Variants in SYF2 observed in about 807,000 individuals in gnomAD.
The protein encoded by SYF2 is SYF2 pre-mRNA splicing factor.
In SYF2, 21 loss-of-function variants were observed where a neutral mutation model predicts 32.7. The observed-to-expected ratio is 0.64, with a 90% CI of 0.45 to 0.92. SYF2 has a LOEUF of 0.92. Among genes scored for constraint, SYF2 ranks in the 40% least tolerant of loss-of-function variants. The pLI, the probability that SYF2 is intolerant of heterozygous loss-of-function variation, is 0.00. For missense variants in SYF2, 278 were observed against 296.5 expected (o/e 0.94, Z 0.46); for synonymous variants, 114 against 103.9 (o/e 1.10, Z -0.59).
rs1638437718 is a variant in SYF2, at chr1:25,222,979, C to T, written c.*287G>A. ...CAAAATGCTTCAAAGATTAAACAGCCATATACATTTAAAATACATAGAAAA... is the reference window on the plus strand; with the variant it reads ...CAAAATGCTTCAAAGATTAAACAGCTATATACATTTAAAATACATAGAAAA... On this transcript the variant is annotated 3_prime_UTR_variant, in exon 7 of 7. Coordinates refer to ENST00000236273, the MANE Select transcript of SYF2 (RefSeq NM_015484.5). 4.7e-6 allele frequency: 1 copy of T among 213,988 alleles called. No individual in the cohort carries two copies. Among genetic ancestry groups the T allele is most frequent in the Non-Finnish European group, 9.4e-6 (1 of 106,644 alleles). The allele number at this position is 213,988 out of a possible 1,614,324, so 13.3% of individuals were successfully genotyped here.
intron 2 of SYF2, chr1:25,231,786 T>G: frequency 2.3e-6 from 1 of 434,684 alleles, no homozygotes; most frequent in Non-Finnish European, 4.3e-6. Context: ...TCTACATATT[T>G]CCCTAGGTAA....
In SYF2 at chr1:25,222,448, G is replaced by A. The variant is rs377160800; in HGVS notation, c.*818C>T. Among the ~76,000 whole-genome samples the A allele has an allele frequency of 1.3e-3, 199 of 151,562 alleles. No homozygotes were observed. The highest frequency in any genetic ancestry group is 2.5e-3 in the Non-Finnish European group (167 of 67,960). ...ATGAAATTATATATCTAGTATATGC[G>A]TCAAAATAAGAGTCATGAAGAAAGT... On this transcript the variant is annotated 3_prime_UTR_variant, in exon 7 of 7. Transcript: ENST00000236273.
In SYF2 at chr1:25,229,040, T is replaced by C; in HGVS notation, c.216A>G (p.Lys72=). 1 of 1,613,664 alleles carries C rather than the reference T, an allele frequency of 6.2e-7. No homozygotes were observed. Among genetic ancestry groups the C allele is most frequent in the African/African-American group, 1.3e-5 (1 of 75,042 alleles). ...LKLPANWEAK[K]ARLEWELKEE... ...CCTTTAGTTCCCACTCCAAACGAGC[T>C]TTTTTGGCTTCCCAATTTGCAGGTA... Residue 72 remains lysine (K), a synonymous_variant, in exon 3 of 7, where the codon AAA becomes AAG. Transcript: ENST00000236273.
In SYF2 at chr1:25,225,081, T is replaced by C; in HGVS notation, c.487A>G (p.Thr163Ala). Residue 163 changes from threonine to alanine, a missense_variant, in exon 6 of 7, where the codon ACA (threonine) becomes GCA (alanine). Coordinates refer to ENST00000236273, the MANE Select transcript of SYF2 (RefSeq NM_015484.5). Reference protein sequence around the residue: ...REKHGEEFFPTSNSLLHGTHV... With the variant: ...REKHGEEFFPASNSLLHGTHV... ...GTTCCATGAAGAAGACTATTGGATGTTGGGAAAAACTCTTCTCCACTGAAA... is the reference window on the plus strand; with the variant it reads ...GTTCCATGAAGAAGACTATTGGATGCTGGGAAAAACTCTTCTCCACTGAAA... 6.2e-7 allele frequency: 1 copy of C among 1,614,012 alleles called. No individual in the cohort carries two copies. The highest frequency in any genetic ancestry group is 2.2e-5 in the East Asian group (1 of 44,870).
At position 25,232,153 on chromosome 1, in the gene SYF2, TGAGCGGCCAGCTCCGCCGCCGCA is replaced by T. The variant is rs1242509129; in HGVS notation, c.60_82del (p.Ala21GlufsTer18). On this transcript the variant is annotated frameshift_variant, in exon 2 of 7. Transcript: ENST00000236273. LOFTEE classifies it high-confidence loss of function. ...TTTGCGCAGTCTCTGTTCGCGCTTCTGAGCGGCCAGCTCCGCCGCCGCAGCGAGGGACCCCTCCTCCGCGCTGT... is the reference window on the plus strand; with the variant it reads ...TTTGCGCAGTCTCTGTTCGCGCTTCTGCGAGGGACCCCTCCTCCGCGCTGT... 6.2e-7 allele frequency: 1 copy of T among 1,613,852 alleles called. No homozygotes were observed. The highest frequency in any genetic ancestry group is 8.5e-7 in the Non-Finnish European group (1 of 1,180,014).
chr1:25,223,832 T>C (rs1179148129), intron 6 of SYF2, among the ~76,000 whole-genome samples: 3 of 152,040 alleles, frequency 2.0e-5, no homozygotes, highest in Admixed American at 6.6e-5. Context: ...CTGGACAACA[T>C]AGGAAGACTC....
intron 6 of SYF2, among the ~76,000 whole-genome samples, chr1:25,223,896 A>G (rs1051661918): frequency 2.0e-5 from 3 of 152,186 alleles, no homozygotes; most frequent in African/African-American, 7.2e-5. Flanking sequence ...GAAGATAACT[A>G]TAACAATATT....
intron 3 of SYF2, among the ~76,000 whole-genome samples, 177 bp from the exon 4 acceptor site, chr1:25,228,412 G>A (rs1638557611): frequency 6.6e-6 from 1 of 152,162 alleles, no homozygotes; most frequent in Non-Finnish European, 1.5e-5. Flanking sequence ...TCAGCTCACT[G>A]CAACCTCCAC....
Position 25,228,033 on chromosome 1 carries a change from G to A in SYF2, c.376+85C>T, listed in dbSNP as rs1289585793. 9 of 1,085,626 alleles carry A rather than the reference G, an allele frequency of 8.3e-6. No individual in the cohort carries two copies. The East Asian group carries it at 1.7e-4, about 20-fold the overall frequency. The allele number at this position is 1,085,626 out of a possible 1,614,324, so 67.2% of individuals were successfully genotyped here. A position where few individuals can be genotyped will look rare whatever the true frequency, so the allele number is the denominator to read the frequency against. On this transcript the variant is annotated intron_variant, in intron 4 of 6. Transcript: ENST00000236273. The stretch of plus-strand genomic sequence containing the variant: ...ATCAAGAATATCCCACGAAGCACAA[G>A]AGGCACATCCTTTCTTGAAACCAGA...
rs1162939102 is a variant in SYF2, at chr1:25,222,283, T to C, written c.*983A>G. ...GAATTTAAAATATCCCAATTAGATA[T>C]TTAGCATTTAATTCAACATAGAGAA... On this transcript the variant is annotated 3_prime_UTR_variant, in exon 7 of 7. Coordinates refer to ENST00000236273, the MANE Select transcript of SYF2 (RefSeq NM_015484.5). 6.6e-6 allele frequency among the ~76,000 whole-genome samples: 1 copy of C among 152,132 alleles called. No homozygotes were observed. The highest frequency in any genetic ancestry group is 1.5e-5 in the Non-Finnish European group (1 of 68,028).
intron 2 of SYF2, chr1:25,231,121 T>C (rs1339539720): frequency 1.3e-5 from 2 of 152,238 alleles, no homozygotes; most frequent in African/African-American, 4.8e-5. Flanking sequence ...TCTTACATTT[T>C]TATATAGGAG....
chr1:25,230,325 G>A (rs1368484712), intron 2 of SYF2: 1 of 151,860 alleles, frequency 6.6e-6, no homozygotes, highest in East Asian at 1.9e-4. Context: ...GGGTAGCAGG[G>A]AGAAGAGTCT....
At chr1:25,232,303 C>T (rs1329204752) in intron 1 of SYF2, 92 bp from the exon 2 acceptor site, 2 of 1,579,140 alleles carry the variant, frequency 1.3e-6, no homozygotes, top group African/African-American at 1.3e-5. Flanking sequence ...ACAGGCTGGG[C>T]CTAGGGCCTC....
intron 2 of SYF2, 81 bp downstream of exon 2, chr1:25,232,023 G>C (rs1301023296): frequency 2.2e-6 from 3 of 1,358,172 alleles, no homozygotes; most frequent in South Asian, 2.5e-5. Flanking sequence ...AGACGCAGTG[G>C]TGTGGCTTCC....
chr1:25,227,677 G>GTTTCAGTCAACA, intron 4 of SYF2, 145 bp from the exon 5 acceptor site: 1 of 696,222 alleles, frequency 1.4e-6, no homozygotes, highest in Non-Finnish European at 2.3e-6. Flanking sequence ...TTCAGATTTT[G>GTTTCAGTCAACA]GAATATCTTT....
intron 5 of SYF2, among the ~76,000 whole-genome samples, chr1:25,225,900 A>C (rs147047293): frequency 1.5e-4 from 23 of 150,702 alleles, no homozygotes; most frequent in African/African-American, 5.6e-4. Flanking sequence ...TCACACCAAT[A>C]ATCCCAGCAC....
chr1:25,227,591 G>C, intron 4 of SYF2, 59 bp from the exon 5 acceptor site: 1 of 1,458,724 alleles, frequency 6.9e-7, no homozygotes, highest in Non-Finnish European at 9.4e-7. Context: ...CCTTCCTATT[G>C]AGAGAAAAAT....
intron 3 of SYF2, 40 bp from the exon 4 acceptor site, chr1:25,228,275 C>T: frequency 1.4e-6 from 2 of 1,457,024 alleles, no homozygotes; most frequent in Non-Finnish European, 1.9e-6. Flanking sequence ...AATTATGATA[C>T]ATGCAATAAT....
At chr1:25,225,669 C>A (rs535338224) in intron 5 of SYF2, among the ~76,000 whole-genome samples, 1 of 151,240 alleles carries the variant, frequency 6.6e-6, no homozygotes, top group East Asian at 1.9e-4. Flanking sequence ...ACCAGCCTGG[C>A]CAACATGGTG....
Sources: gnomAD v4.1 joint callset for allele counts (sites outside exome capture counted in the v4.1 genomes callset) on GRCh38, gnomAD v4.1.1 for gene constraint, MANE v1.5 for transcripts, NCBI Gene and HGNC (gene_info 2026-07-23, HGNC 2026-07-21) for gene names.